CACNA1A: variants seen among roughly 807,000 people sequenced by gnomAD.
CACNA1A encodes the protein calcium voltage-gated channel subunit alpha1 A, also known as voltage-dependent P/Q-type calcium channel subunit alpha-1A.
A neutral mutation model predicts 262.4 loss-of-function variants in CACNA1A; 57 were observed. That is an observed-to-expected ratio of 0.22 (90% CI 0.18 to 0.27). The LOEUF (loss-of-function observed/expected upper bound fraction) is 0.27, where lower values mean the gene tolerates loss of function less well. Among genes scored for constraint, CACNA1A ranks in the 10% least tolerant of loss-of-function variants. The pLI, the probability that CACNA1A is intolerant of heterozygous loss-of-function variation, is 1.00. For missense variants in CACNA1A, 2,526 were observed against 3,562.8 expected (o/e 0.71, Z 7.41); for synonymous variants, 1,431 against 1,419.3 (o/e 1.01, Z -0.18).
At chr19:13,217,364 C>T (rs141747546) in intron 38 of CACNA1A, among the ~76,000 whole-genome samples, 1 of 152,232 alleles carries the variant, frequency 6.6e-6, no homozygotes, top group African/African-American at 2.4e-5. Context: ...CCCTTTGCAG[C>T]CCCTTAGCCT....
At chr19:13,399,324 G>A (rs550503515) in intron 3 of CACNA1A, among the ~76,000 whole-genome samples, 95 of 151,660 alleles carry the variant, frequency 6.3e-4, no homozygotes, top group Non-Finnish European at 1.2e-3. Context: ...AACGGTTAAT[G>A]AGCAATTCTG....
intron 3 of CACNA1A, among the ~76,000 whole-genome samples, chr19:13,391,713 A>G (rs1216604683): frequency 2.0e-5 from 3 of 152,082 alleles, no homozygotes; most frequent in Non-Finnish European, 4.4e-5. Flanking sequence ...CCTAGGCAAC[A>G]AAGTGAGACC....
chr19:13,228,908 G>A (rs2055569971), intron 36 of CACNA1A: 2 of 546,042 alleles, frequency 3.7e-6, no homozygotes. Context: ...GAAGGAGTGG[G>A]AGAGACTGGG....
chr19:13,234,948 A>G lies in CACNA1A; in HGVS notation c.5222T>C (p.Phe1741Ser). The G allele has an allele frequency of 6.2e-7, 1 of 1,613,462 alleles. No homozygotes were observed. Among genetic ancestry groups the G allele is most frequent in the Non-Finnish European group, 8.5e-7 (1 of 1,179,428 alleles). ...QITEHNNFRT[F>S]FQALMLLFRS... ...GAAGAGAAGCATGAGGGCCTGGAAG[A>G]AGGTCCGGAAGTTATTGTGCTCAGT... Residue 1741 changes from phenylalanine (F) to serine (S), a missense_variant, in exon 34 of 47, where the codon TTC (phenylalanine) becomes TCC (serine). Physicochemically the swap from Phe to Ser is radical, Grantham distance 155 (BLOSUM62 -2). This residue lies in a region of CACNA1A where 39 missense variants were observed against 124.9 expected (regional missense o/e 0.31). Transcript: ENST00000360228.
chr19:13,255,239 G>T lies in CACNA1A; in HGVS notation c.4611C>A (p.Ala1537=). 1 of 1,603,126 alleles carries T rather than the reference G, an allele frequency of 6.2e-7. No individual in the cohort carries two copies. Among genetic ancestry groups the T allele is most frequent in the East Asian group, 2.2e-5 (1 of 44,554 alleles). Reference sequence around the variant, plus strand: ...GTCGGGTCAGCGGCTTGGCGCTGATGGCGAAATCAATGCAGGCCCTCTGCG... The same window carrying T: ...GTCGGGTCAGCGGCTTGGCGCTGATTGCGAAATCAATGCAGGCCCTCTGCG... ...EKNERACIDF[A]ISAKPLTRHM... The change falls in exon 29 of 47, where the codon GCC becomes GCA. Residue 1537 remains alanine (A), a synonymous_variant. Transcript: ENST00000360228.
intron 10 of CACNA1A, among the ~76,000 whole-genome samples, chr19:13,319,036 G>A (rs1014410448): frequency 2.0e-5 from 3 of 151,264 alleles, no homozygotes; most frequent in East Asian, 3.9e-4. Flanking sequence ...CTACAGGCAC[G>A]TACCACCATG....
intron 15 of CACNA1A, among the ~76,000 whole-genome samples, 197 bp from the exon 16 acceptor site, chr19:13,304,081 G>A (rs955045195): frequency 3.3e-5 from 5 of 152,060 alleles, no homozygotes; most frequent in South Asian, 2.1e-4. Flanking sequence ...AGAAAGGGCC[G>A]TTCCTGCGTC....
chr19:13,451,500 C>T (rs901171495), intron 3 of CACNA1A: 4 of 152,224 alleles, frequency 2.6e-5, no homozygotes, highest in African/African-American at 7.2e-5. Flanking sequence ...CTACTGGAAT[C>T]TAATAAAAGT....
chr19:13,286,708 G>C lies in CACNA1A; in HGVS notation c.3348C>G (p.Pro1116=). The C allele has an allele frequency of 6.3e-7, 1 of 1,591,026 alleles. No homozygotes were observed. Among genetic ancestry groups the C allele is most frequent in the Non-Finnish European group, 8.6e-7 (1 of 1,167,626 alleles). ...GCGTCCGGCGGCTGGCGGCGTTCTG[G>C]GGGTTGGTGGCCATGGCAGGGATGG... ...MLAIPAMATN[P]QNAASRRTPN... Residue 1116 remains proline (P), a synonymous_variant, in exon 20 of 47, where the codon CCC becomes CCG. Transcript: ENST00000360228.
At chr19:13,227,790 G>A (rs1306790859) in intron 36 of CACNA1A, 3 of 213,644 alleles carry the variant, frequency 1.4e-5, no homozygotes, top group Admixed American at 5.9e-5. Context: ...GAGAGAGAGA[G>A]AAAAGAGAAA....
At chr19:13,456,378 A>G (rs2061006858) in intron 1 of CACNA1A, among the ~76,000 whole-genome samples, 1 of 152,160 alleles carries the variant, frequency 6.6e-6, no homozygotes, top group South Asian at 2.1e-4. Flanking sequence ...AGTACTATAT[A>G]AAGAACATTT....
intron 22 of CACNA1A, 23 bp from the exon 23 acceptor site, chr19:13,277,151 A>G (rs1243028345): frequency 1.3e-6 from 2 of 1,581,224 alleles, no homozygotes; most frequent in East Asian, 2.2e-5. Flanking sequence ...AAAGCAAGAG[A>G]GCAGTGGATC....
intron 6 of CACNA1A, among the ~76,000 whole-genome samples, chr19:13,346,645 TATATATATATATATATATA>T (rs1218485405): frequency 2.5e-4 from 2 of 8,000 alleles, no homozygotes; most frequent in Non-Finnish European, 4.9e-4. Flanking sequence ...TATATATATA[TATATATATATATATATATA>T]TATTTTTTTT....
intron 1 of CACNA1A, among the ~76,000 whole-genome samples, chr19:13,487,741 T>A (rs1980202770): frequency 6.6e-6 from 1 of 152,030 alleles, no homozygotes; most frequent in Non-Finnish European, 1.5e-5. Context: ...CCTCATTTTT[T>A]AAAATTCATG....
Position 13,207,653 on chromosome 19 carries a change from C to A in CACNA1A, c.7181G>T (p.Gly2394Val). Residue 2394 changes from glycine to valine, a missense_variant, in exon 47 of 47, where the codon GGC (glycine) becomes GTC (valine). By Grantham distance (109) the Gly-to-Val change is moderately radical. This residue lies in a region of CACNA1A where 929 missense variants were observed against 868.1 expected (regional missense o/e 1.07). Coordinates refer to ENST00000360228, the MANE Select transcript of CACNA1A (RefSeq NM_001127222.2). This position sits in a 1 kb window ranked among gnomAD's most constrained non-coding sequence, Gnocchi z 5.7. ...CGGGGGCCCCTCGGACACGTGCGGGCCAGATGCCGGCCACCGGGCCCCGCC... is the reference window on the plus strand; with the variant it reads ...CGGGGGCCCCTCGGACACGTGCGGGACAGATGCCGGCCACCGGGCCCCGCC... Reference protein sequence around the residue: ...RHGGARWPASGPHVSEGPPGP... With the variant: ...RHGGARWPASVPHVSEGPPGP... 6.9e-7 allele frequency: 1 copy of A among 1,455,640 alleles called. No individual in the cohort carries two copies. The highest frequency in any genetic ancestry group is 9.1e-7 in the Non-Finnish European group (1 of 1,103,944). 90.2% of individuals were successfully genotyped at this position (1,455,640 alleles called of 1,614,324 possible).
At chr19:13,429,721 G>C (rs919897117) in intron 3 of CACNA1A, among the ~76,000 whole-genome samples, 5 of 151,608 alleles carry the variant, frequency 3.3e-5, no homozygotes, top group African/African-American at 1.2e-4. Context: ...GAAGCCAAGT[G>C]CCCATCTGGA....
chr19:13,286,831 G>C lies in CACNA1A; in HGVS notation c.3225C>G (p.Thr1075=), dbSNP rs771852505. The change falls in exon 20 of 47, where the codon ACC becomes ACG. Residue 1075 remains threonine, a synonymous_variant. Transcript: ENST00000360228. ...TGCCGTGGGGAGCGGCCGACTCCGCGGTGGCCAGCTTGTTGTTCTTCATGT... is the reference window on the plus strand; with the variant it reads ...TGCCGTGGGGAGCGGCCGACTCCGCCGTGGCCAGCTTGTTGTTCTTCATGT... ...IDNMKNNKLA[T]AESAAPHGSL... is the part of the protein sequence containing the mutation. 1.2e-6 allele frequency: 2 copies of C among 1,613,734 alleles called. No individual in the cohort carries two copies. The highest frequency in any genetic ancestry group is 1.7e-6 in the Non-Finnish European group (2 of 1,179,830).
At position 13,287,077 on chromosome 19, in the gene CACNA1A, C is replaced by T. The variant is rs905338858; in HGVS notation, c.3090-111G>A. ...TTTCAAGAGTACAATTTGGGCTGGGCGCAGTGGCTCACGCCTGTAATCCCA... is the reference window on the plus strand; with the variant it reads ...TTTCAAGAGTACAATTTGGGCTGGGTGCAGTGGCTCACGCCTGTAATCCCA... On this transcript the variant is annotated intron_variant, in intron 19 of 46. Coordinates refer to ENST00000360228, the MANE Select transcript of CACNA1A (RefSeq NM_001127222.2). The T allele has an allele frequency of 5.8e-5, 52 of 902,080 alleles. 1 individual carries two copies. Among genetic ancestry groups the T allele is most frequent in the East Asian group, 5.5e-4 (20 of 36,672 alleles). 55.9% of individuals were successfully genotyped at this position (902,080 alleles called of 1,614,324 possible).
At chr19:13,458,924 G>A (rs1191877914) in intron 1 of CACNA1A, among the ~76,000 whole-genome samples, 1 of 152,160 alleles carries the variant, frequency 6.6e-6, no homozygotes, top group Non-Finnish European at 1.5e-5. Context: ...GGTTACTCCG[G>A]AGCAGGATTT....
Sources: gnomAD v4.1 joint callset for allele counts (sites outside exome capture counted in the v4.1 genomes callset) on GRCh38, gnomAD v4.1.1 for gene constraint, gnomAD v4.1.1 regional missense constraint, Gnocchi (gnomAD v3.1) non-coding constraint, MANE v1.5 for transcripts, NCBI Gene and HGNC (gene_info 2026-07-23, HGNC 2026-07-21) for gene names.